The following ADGRL2 variants were observed in gnomAD, a reference collection of about 807,000 sequenced individuals.
ADGRL2 encodes adhesion G protein-coupled receptor L2, also known as calcium-independent alpha-latrotoxin receptor 2.
Under a neutral mutation model 157.4 loss-of-function variants are expected in ADGRL2, and 44 were observed. That is an observed-to-expected ratio of 0.28 (90% CI 0.22 to 0.36). The LOEUF is 0.36. Among genes scored for constraint, ADGRL2 ranks in the 10% least tolerant of loss-of-function variants. The pLI, the probability that ADGRL2 is intolerant of heterozygous loss-of-function variation, is 1.00. For synonymous variants in ADGRL2, 585 were observed against 624.7 expected (o/e 0.94, Z 0.95); for missense variants, 1,510 against 1,768.9 (o/e 0.85, Z 2.63).
intron 3 of ADGRL2, among the ~76,000 whole-genome samples, chr1:81,662,804 C>A (rs1161237484): frequency 2.6e-5 from 4 of 152,096 alleles, no homozygotes; most frequent in East Asian, 1.9e-4. Flanking sequence ...ATCCACTCAC[C>A]TTGGCCTCCC....
At chr1:81,635,698 A>T (rs1213608977) in intron 3 of ADGRL2, among the ~76,000 whole-genome samples, 1 of 151,756 alleles carries the variant, frequency 6.6e-6, no homozygotes, top group Non-Finnish European at 1.5e-5. Flanking sequence ...TGACCTAATC[A>T]CCTCCCAAAA....
intron 17 of ADGRL2, among the ~76,000 whole-genome samples, chr1:81,972,967 T>C (rs967953564): frequency 4.0e-5 from 6 of 151,860 alleles, no homozygotes; most frequent in Admixed American, 1.3e-4. Flanking sequence ...ATGGTGTTAT[T>C]AACTCTGAAA....
At chr1:81,564,417 T>C (rs929965301) in intron 2 of ADGRL2, among the ~76,000 whole-genome samples, 1 of 152,184 alleles carries the variant, frequency 6.6e-6, no homozygotes, top group African/African-American at 2.4e-5. Context: ...CCAAGCTTAT[T>C]CACATAGATG....
chr1:81,746,538 C>T (rs1557614803), intron 1 of ADGRL2, among the ~76,000 whole-genome samples: 1 of 152,116 alleles, frequency 6.6e-6, no homozygotes. Context: ...GATCCATCTG[C>T]CTTGGCCTCC....
chr1:81,842,656 T>G (rs1193198708), intron 2 of ADGRL2, among the ~76,000 whole-genome samples: 1 of 152,016 alleles, frequency 6.6e-6, no homozygotes, highest in Non-Finnish European at 1.5e-5. Flanking sequence ...ACACCCAGCC[T>G]TTTTTGCTCT....
At chr1:81,505,049 G>T in intron 2 of ADGRL2, 1 of 394,454 alleles carries the variant, frequency 2.5e-6, no homozygotes, top group East Asian at 4.6e-5. Flanking sequence ...TGGCGTGGGT[G>T]TGTGTGGCGG....
At chr1:81,332,506 T>C (rs1436544496) in intron 1 of ADGRL2, among the ~76,000 whole-genome samples, 2 of 152,186 alleles carry the variant, frequency 1.3e-5, no homozygotes, top group Non-Finnish European at 2.9e-5. Context: ...TAGCAGTATC[T>C]ATGTTCCAAG....
intron 1 of ADGRL2, among the ~76,000 whole-genome samples, chr1:81,711,047 A>G (rs1050031091): frequency 6.6e-6 from 1 of 152,172 alleles, no homozygotes; most frequent in Non-Finnish European, 1.5e-5. Flanking sequence ...TAGATTTCCC[A>G]TATGTCAGCA....
intron 2 of ADGRL2, among the ~76,000 whole-genome samples, chr1:81,461,058 G>C (rs1196125818): frequency 1.3e-5 from 2 of 152,158 alleles, no homozygotes; most frequent in Non-Finnish European, 2.9e-5. Flanking sequence ...AGCATCCACT[G>C]AACAGGGTAA....
chr1:81,705,290 T>C (rs908945427), intron 1 of ADGRL2, among the ~76,000 whole-genome samples: 2 of 152,116 alleles, frequency 1.3e-5, no homozygotes, highest in Non-Finnish European at 2.9e-5. Flanking sequence ...CTTGGCCTCC[T>C]AAGGTGCTGG....
rs1255303110 is a variant in ADGRL2, at chr1:81,943,414, G to A, written c.855G>A (p.Gln285=). 3 of 1,613,576 alleles carry A rather than the reference G, an allele frequency of 1.9e-6. No individual in the cohort carries two copies. Among genetic ancestry groups the A allele is most frequent in the Admixed American group, 3.3e-5 (2 of 59,910 alleles). ...NGLWVIYATE[Q]NNGMIVISQL... ...TATGGGTCATTTACGCCACTGAACA[G>A]AACAATGGAATGATAGTTATTAGCC... Residue 285 remains glutamine (Q), a synonymous_variant, in exon 6 of 24, where the codon CAG becomes CAA. Coordinates refer to ENST00000686636, the MANE Select transcript of ADGRL2 (RefSeq NM_001366006.2). The surrounding 1 kb of genome is among the most constrained non-coding windows in gnomAD (Gnocchi z 5.6).
chr1:81,695,852 C>T (rs1055999874), upstream of ADGRL2, among the ~76,000 whole-genome samples: 1 of 151,690 alleles, frequency 6.6e-6, no homozygotes, highest in Non-Finnish European at 1.5e-5. Flanking sequence ...TAAGTGTGAG[C>T]TCCTTGAAAT....
At chr1:81,357,032 T>C (rs1443018923) in intron 1 of ADGRL2, among the ~76,000 whole-genome samples, 1 of 150,520 alleles carries the variant, frequency 6.6e-6, no homozygotes, top group Non-Finnish European at 1.5e-5. Context: ...TCTAAGGTAC[T>C]AGGTACTTAA....
intron 2 of ADGRL2, among the ~76,000 whole-genome samples, chr1:81,895,918 T>C (rs1034088206): frequency 6.6e-6 from 1 of 152,192 alleles, no homozygotes; most frequent in African/African-American, 2.4e-5. Context: ...TGGAAACCTT[T>C]ACCTAGCAAT....
intron 1 of ADGRL2, among the ~76,000 whole-genome samples, chr1:81,381,635 G>T (rs1449624667): frequency 2.0e-5 from 3 of 152,082 alleles, no homozygotes; most frequent in Admixed American, 2.0e-4. Context: ...AAGAGTGTCT[G>T]CAGAAATTTT....
chr1:81,791,936 C>T (rs534419021), intron 2 of ADGRL2, among the ~76,000 whole-genome samples: 9 of 152,228 alleles, frequency 5.9e-5, no homozygotes, highest in African/African-American at 2.2e-4. Flanking sequence ...GAATGCCATG[C>T]GTATTAAGCA....
At chr1:81,698,635 T>C (rs2083494056), upstream of ADGRL2, among the ~76,000 whole-genome samples, 1 of 152,162 alleles carries the variant, frequency 6.6e-6, no homozygotes, top group Non-Finnish European at 1.5e-5. Flanking sequence ...CAGTAAGGAA[T>C]CAAGGGGTCT....
chr1:81,617,053 C>G (rs2081670881), intron 3 of ADGRL2, among the ~76,000 whole-genome samples: 1 of 152,186 alleles, frequency 6.6e-6, no homozygotes, highest in South Asian at 2.1e-4. Context: ...TATGATGATA[C>G]ATAGTCTATA....
In ADGRL2 at chr1:81,404,563, G is replaced by C. The variant is rs191199604; in HGVS notation, c.-301-40473G>C. Among the ~76,000 whole-genome samples, 9 of 152,278 alleles carry C rather than the reference G, an allele frequency of 5.9e-5. 1 individual carries two copies. The highest frequency in any genetic ancestry group is 5.9e-4 in the Admixed American group (9 of 15,304). On this transcript the variant is annotated intron_variant, in intron 1 of 24. Coordinates refer to the ADGRL2 transcript ENST00000370721. ...GCTCAGCTTCAAACCCAGAACTTAA[G>C]CTCTCAGCCACTTCACTCAGAAACT...
Sources: allele counts gnomAD v4.1 joint callset (sites outside exome capture counted in the v4.1 genomes callset), GRCh38; gene constraint gnomAD v4.1.1; non-coding constraint Gnocchi (gnomAD v3.1); transcripts MANE v1.5; gene names NCBI Gene and HGNC (gene_info 2026-07-23, HGNC 2026-07-21).